BABAM2: variants seen among roughly 807,000 people sequenced by gnomAD.
BABAM2 encodes the protein BRISC and BRCA1 A complex member 2, also known as BRISC and BRCA1-A complex member 2.
BABAM2 carries 31 observed loss-of-function variants against 54.7 expected under a neutral mutation model. The ratio of observed to expected loss-of-function variants is 0.57; its 90% CI spans 0.43 to 0.77. The LOEUF (loss-of-function observed/expected upper bound fraction) is 0.77, where lower values mean the gene tolerates loss of function less well. BABAM2 is among the 30% of genes least tolerant of loss of function. BABAM2 has a pLI of 0.00. For missense variants in BABAM2, 364 were observed against 455.8 expected (o/e 0.80, Z 1.83); for synonymous variants, 167 against 162.9 (o/e 1.03, Z -0.19).
At chr2:28,083,208 C>T (rs1339960071) in intron 6 of BABAM2, among the ~76,000 whole-genome samples, 1 of 152,218 alleles carries the variant, frequency 6.6e-6, no homozygotes, top group African/African-American at 2.4e-5. Flanking sequence ...ACTGCTGCTT[C>T]TTCCACTCCT....
At chr2:28,335,101 G>A (rs1691310201) in intron 11 of BABAM2, among the ~76,000 whole-genome samples, 1 of 149,068 alleles carries the variant, frequency 6.7e-6, no homozygotes, top group Admixed American at 6.7e-5. Flanking sequence ...TTCTTCCTTA[G>A]TACCTAAATA....
intron 9 of BABAM2, 128 bp from the exon 10 acceptor site, chr2:28,244,652 G>C: frequency 1.3e-6 from 1 of 779,210 alleles, no homozygotes; most frequent in Non-Finnish European, 2.1e-6. Flanking sequence ...ATCCTCACTT[G>C]CCTTAAACCC....
chr2:28,291,442 A>G (rs1687273916), intron 10 of BABAM2, among the ~76,000 whole-genome samples: 1 of 152,082 alleles, frequency 6.6e-6, no homozygotes, highest in Non-Finnish European at 1.5e-5. Flanking sequence ...AAAATACAAA[A>G]AATTAGCCAG....
At chr2:28,146,457 A>AT (rs1247901504) in intron 7 of BABAM2, among the ~76,000 whole-genome samples, 2 of 152,242 alleles carry the variant, frequency 1.3e-5, no homozygotes, top group African/African-American at 4.8e-5. Flanking sequence ...AATACAAATT[A>AT]TCAGCCTAAA....
At chr2:28,217,650 C>T (rs1436662072) in intron 7 of BABAM2, among the ~76,000 whole-genome samples, 3 of 152,184 alleles carry the variant, frequency 2.0e-5, no homozygotes, top group Admixed American at 2.0e-4. Flanking sequence ...TTTTCTGGTT[C>T]ATTCACACTT....
At chr2:28,286,536 G>A (rs1290849987) in intron 10 of BABAM2, among the ~76,000 whole-genome samples, 1 of 152,034 alleles carries the variant, frequency 6.6e-6, no homozygotes, top group Non-Finnish European at 1.5e-5. Context: ...CCCTCGCTGG[G>A]CCTCTACGGT....
At chr2:28,299,904 T>A (rs1687976541) in intron 11 of BABAM2, among the ~76,000 whole-genome samples, 1 of 152,144 alleles carries the variant, frequency 6.6e-6, no homozygotes, top group Non-Finnish European at 1.5e-5. Flanking sequence ...TACAAGACTT[T>A]CACTTATAGC....
intron 3 of BABAM2, among the ~76,000 whole-genome samples, chr2:27,975,970 G>A (rs1391475744): frequency 6.6e-6 from 1 of 152,050 alleles, no homozygotes; most frequent in African/African-American, 2.4e-5. Context: ...TAGTCATTAG[G>A]AAAATGCAGA....
chr2:28,119,034 G>A (rs1244680334), intron 6 of BABAM2, among the ~76,000 whole-genome samples: 1 of 152,156 alleles, frequency 6.6e-6, no homozygotes, highest in African/African-American at 2.4e-5. Context: ...GATGGTTGTA[G>A]ATGTGTGGTG....
chr2:27,890,509 C>T, upstream of BABAM2: 1 of 631,412 alleles, frequency 1.6e-6, no homozygotes, highest in Admixed American at 2.7e-5. The surrounding 1 kb of genome is among the most constrained non-coding windows in gnomAD (Gnocchi z 4.8). Flanking sequence ...CCAAGTGTCC[C>T]CTCTTCTTCC....
intron 6 of BABAM2, among the ~76,000 whole-genome samples, chr2:28,087,227 A>T (rs73922218): frequency 0.082 from 12,426 of 152,210 alleles, 1,291 homozygotes; most frequent in African/African-American, 0.25. Flanking sequence ...TGGCTCCTGG[A>T]GGCCAAGGAA....
chr2:28,002,872 A>T (rs1471711844), intron 4 of BABAM2, among the ~76,000 whole-genome samples: 1 of 152,240 alleles, frequency 6.6e-6, no homozygotes, highest in Admixed American at 6.5e-5. Flanking sequence ...AGACTTCATC[A>T]TTAGCAAACC....
chr2:28,025,487 C>T, intron 5 of BABAM2, 67 bp downstream of exon 5: 1 of 1,382,888 alleles, frequency 7.2e-7, no homozygotes, highest in South Asian at 1.6e-5. Flanking sequence ...TTCATATGTC[C>T]ATTTGTAAAT....
At chr2:28,072,767 T>C (rs1477391676) in intron 6 of BABAM2, among the ~76,000 whole-genome samples, 1 of 152,186 alleles carries the variant, frequency 6.6e-6, no homozygotes, top group Non-Finnish European at 1.5e-5. Flanking sequence ...TTGATTATGG[T>C]TTCTCAGTCT....
chr2:28,331,154 C>CT (rs1690924021), intron 11 of BABAM2, among the ~76,000 whole-genome samples: 1 of 152,166 alleles, frequency 6.6e-6, no homozygotes, highest in African/African-American at 2.4e-5. Flanking sequence ...CTCCTTACAC[C>CT]TCATACAAAA....
At chr2:27,911,129 C>T (rs1666563654) in intron 2 of BABAM2, among the ~76,000 whole-genome samples, 2 of 152,120 alleles carry the variant, frequency 1.3e-5, no homozygotes, top group South Asian at 4.1e-4. Flanking sequence ...GAGGCCTCCC[C>T]AGCCATGCTG....
At position 28,277,629 on chromosome 2, in the gene BABAM2, C is replaced by T. The variant is rs201966409; in HGVS notation, c.935-20709C>T. 6.6e-5 allele frequency among the ~76,000 whole-genome samples: 10 copies of T among 152,344 alleles called. No individual in the cohort carries two copies. In the East Asian group the frequency reaches 1.9e-3, roughly 29 times the overall value. On this transcript the variant is annotated intron_variant, in intron 10 of 11. Coordinates refer to ENST00000379624, the MANE Select transcript of BABAM2 (RefSeq NM_199191.3). ...GCTTTTAACCACTTCTGGTGCTTCACGGTTGCCTCCGTAACCAGCTGACTG... is the reference window on the plus strand; with the variant it reads ...GCTTTTAACCACTTCTGGTGCTTCATGGTTGCCTCCGTAACCAGCTGACTG...
At chr2:27,903,927 C>T (rs984512256) in intron 2 of BABAM2, among the ~76,000 whole-genome samples, 12 of 151,904 alleles carry the variant, frequency 7.9e-5, no homozygotes, top group Non-Finnish European at 1.2e-4. Context: ...TATGGCTTGT[C>T]GTTAGTGTAT....
intron 7 of BABAM2, among the ~76,000 whole-genome samples, chr2:28,144,757 T>G (rs1671350363): frequency 6.6e-6 from 1 of 152,234 alleles, no homozygotes; most frequent in Non-Finnish European, 1.5e-5. Flanking sequence ...ACTATTTTAT[T>G]CAGTGTGCAC....
Sources: gnomAD v4.1 joint callset for allele counts (sites outside exome capture counted in the v4.1 genomes callset) on GRCh38, gnomAD v4.1.1 for gene constraint, Gnocchi (gnomAD v3.1) non-coding constraint, MANE v1.5 for transcripts, NCBI Gene and HGNC (gene_info 2026-07-23, HGNC 2026-07-21) for gene names.